Variants in MACROD2 observed in about 807,000 individuals in gnomAD.
The protein encoded by MACROD2 is ADP-ribose glycohydrolase MACROD2.
MACROD2 carries 36 observed loss-of-function variants against 70.4 expected under a neutral mutation model. The observed-to-expected ratio is 0.51, with a 90% CI of 0.39 to 0.68. MACROD2 has a LOEUF of 0.68. Ranked by LOEUF, MACROD2 falls within the 30% of genes least tolerant of loss-of-function variation. MACROD2 has a pLI of 0.00. For synonymous variants in MACROD2, 172 were observed against 178.8 expected (o/e 0.96, Z 0.30); for missense variants, 496 against 538.4 (o/e 0.92, Z 0.78).
rs568088703 is a variant in MACROD2, at chr20:16,052,092, G to A, written c.*2216G>A. ...TTTGTATCCAGGAAACTAAGAGAAT[G>A]AGGAATAAATATCTTCAGCCCGACT... On this transcript the variant is annotated 3_prime_UTR_variant, in exon 18 of 18. Coordinates refer to ENST00000684519, the MANE Select transcript of MACROD2 (RefSeq NM_001351661.2). 3.3e-5 allele frequency: 5 copies of A among 152,194 alleles called. No homozygotes were observed. The highest frequency in any genetic ancestry group is 1.2e-4 in the African/African-American group (5 of 41,450). The allele number at this position is 152,194 out of a possible 1,614,324, so 9.4% of individuals were successfully genotyped here. A position where few individuals can be genotyped will look rare whatever the true frequency, so the allele number is the denominator to read the frequency against.
At chr20:15,622,304 A>G (rs898332847) in intron 8 of MACROD2, among the ~76,000 whole-genome samples, 3 of 152,212 alleles carry the variant, frequency 2.0e-5, no homozygotes, top group Non-Finnish European at 4.4e-5. Flanking sequence ...TAAATGTGAG[A>G]TATTTGTGAA....
intron 6 of MACROD2, among the ~76,000 whole-genome samples, chr20:15,402,206 G>A (rs148506642): frequency 1.1e-4 from 16 of 152,124 alleles, no homozygotes; most frequent in East Asian, 1.9e-4. Flanking sequence ...TTCAATGGGC[G>A]GTGGTCTTGT....
At chr20:15,052,064 T>G (rs1168025190) in intron 5 of MACROD2, among the ~76,000 whole-genome samples, 1 of 152,138 alleles carries the variant, frequency 6.6e-6, no homozygotes. Context: ...CTATACCATC[T>G]TTTTATAATC....
chr20:15,885,847 TA>T (rs1489678897), intron 10 of MACROD2, 36 bp downstream of exon 10: 2 of 1,487,466 alleles, frequency 1.3e-6, no homozygotes, highest in African/African-American at 1.4e-5. Context: ...AGGGGGTAGG[TA>T]GGGGTCATTT....
intron 6 of MACROD2, among the ~76,000 whole-genome samples, chr20:15,296,501 A>C (rs1223381377): frequency 6.6e-6 from 1 of 152,128 alleles, no homozygotes; most frequent in Non-Finnish European, 1.5e-5. Context: ...AAACATAAAG[A>C]CCAAATTTGG....
intron 6 of MACROD2, among the ~76,000 whole-genome samples, chr20:15,430,262 G>A (rs2046347914): frequency 6.7e-6 from 1 of 149,466 alleles, no homozygotes; most frequent in Admixed American, 6.7e-5. Context: ...CAGGAATAGA[G>A]GTTTTTAAAA....
intron 8 of MACROD2, among the ~76,000 whole-genome samples, chr20:15,818,227 A>G (rs1168751224): frequency 6.6e-6 from 1 of 152,204 alleles, no homozygotes; most frequent in Non-Finnish European, 1.5e-5. Context: ...AAAGGAATAA[A>G]AAAATGGCTA....
At chr20:15,597,623 G>A (rs2048763049) in intron 8 of MACROD2, among the ~76,000 whole-genome samples, 1 of 152,184 alleles carries the variant, frequency 6.6e-6, no homozygotes, top group Admixed American at 6.5e-5. Context: ...ATGGCATGGG[G>A]TTGAGGCCTT....
At chr20:14,464,978 G>A (rs1440346584) in intron 3 of MACROD2, among the ~76,000 whole-genome samples, 6 of 152,096 alleles carry the variant, frequency 3.9e-5, no homozygotes, top group Non-Finnish European at 8.8e-5. Context: ...TTTGGAATAG[G>A]TGTGGTGTGG....
At chr20:14,042,918 G>GTTTTTTTTTTTTTTTT (rs573192408) in intron 2 of MACROD2, among the ~76,000 whole-genome samples, 1 of 141,260 alleles carries the variant, frequency 7.1e-6, no homozygotes. Flanking sequence ...CAGGTGGTGG[G>GTTTTTTTTTTTTTTTT]TTTTTTTTTT....
At chr20:15,146,419 T>C (rs767958260) in intron 5 of MACROD2, among the ~76,000 whole-genome samples, 9 of 152,138 alleles carry the variant, frequency 5.9e-5, no homozygotes, top group Non-Finnish European at 1.2e-4. Context: ...ATTCTTGGCT[T>C]CTCAGTTTTA....
intron 8 of MACROD2, among the ~76,000 whole-genome samples, chr20:15,582,743 G>A (rs1301960366): frequency 1.3e-5 from 2 of 152,194 alleles, no homozygotes; most frequent in African/African-American, 2.4e-5. Flanking sequence ...TGGGAGAAAA[G>A]ACGTGTCCTG....
chr20:14,987,704 G>A (rs558243271), intron 5 of MACROD2, among the ~76,000 whole-genome samples: 23 of 152,186 alleles, frequency 1.5e-4, no homozygotes, highest in African/African-American at 5.3e-4. Context: ...TAGTTTTTGT[G>A]CAATTTTCTA....
intron 3 of MACROD2, chr20:14,324,753 A>G (rs954786848): frequency 6.6e-6 from 1 of 152,170 alleles, no homozygotes; most frequent in African/African-American, 2.4e-5. Context: ...ATTACACTAT[A>G]CAAGTCTAAG....
At chr20:15,935,051 T>C (rs1378476775) in intron 11 of MACROD2, among the ~76,000 whole-genome samples, 1 of 152,066 alleles carries the variant, frequency 6.6e-6, no homozygotes, top group Admixed American at 6.5e-5. Flanking sequence ...ACACGCACAC[T>C]CACACACACG....
intron 4 of MACROD2, among the ~76,000 whole-genome samples, chr20:14,545,052 A>G (rs1248519723): frequency 2.0e-5 from 3 of 152,196 alleles, no homozygotes; most frequent in African/African-American, 7.2e-5. Context: ...GATGATGACG[A>G]TGAGACCACT....
chr20:14,705,228 T>C (rs2071255011), intron 5 of MACROD2, among the ~76,000 whole-genome samples: 1 of 152,190 alleles, frequency 6.6e-6, no homozygotes, highest in Admixed American at 6.5e-5. Context: ...TTGTATCCTT[T>C]GAGCTACATC....
chr20:14,537,309 A>T (rs2123223260), intron 4 of MACROD2, among the ~76,000 whole-genome samples: 1 of 152,308 alleles, frequency 6.6e-6, no homozygotes, highest in Admixed American at 6.5e-5. Context: ...GGCAGCTTTA[A>T]AAAAAGGATT....
rs1569217393 is a variant in MACROD2 at position 14,230,655 on chromosome 20, A to AT, written c.271+144927_271+144928insT. Among the ~76,000 whole-genome samples, 41 of 37,980 alleles carry AT rather than the reference A, an allele frequency of 1.1e-3. 1 individual carries two copies. The highest frequency in any genetic ancestry group is 4.7e-3 in the African/African-American group (30 of 6,394). 24.9% of individuals were successfully genotyped at this position (37,980 alleles called of 152,430 possible). On this transcript the variant is annotated intron_variant, in intron 3 of 17. Coordinates refer to ENST00000684519, the MANE Select transcript of MACROD2 (RefSeq NM_001351661.2). ...TTTATATATATATATATATATATATAACACAGGCTGGGCCTATATATATAT... is the reference window on the plus strand; with the variant it reads ...TTTATATATATATATATATATATATATACACAGGCTGGGCCTATATATATAT...
Sources: allele counts gnomAD v4.1 joint callset (sites outside exome capture counted in the v4.1 genomes callset), GRCh38; gene constraint gnomAD v4.1.1; transcripts MANE v1.5; gene names NCBI Gene and HGNC (gene_info 2026-07-23, HGNC 2026-07-21).